The following ATP6V0D1 variants were observed in gnomAD, a reference collection of about 807,000 sequenced individuals.
The protein encoded by ATP6V0D1 is V-type proton ATPase subunit d 1.
ATP6V0D1 carries 13 observed loss-of-function variants against 39.0 expected under a neutral mutation model. That is an observed-to-expected ratio of 0.33 (90% CI 0.22 to 0.53). The LOEUF is 0.53. Among genes scored for constraint, ATP6V0D1 ranks in the 20% least tolerant of loss-of-function variants. The pLI is 0.94. For missense variants in ATP6V0D1, 272 were observed against 470.9 expected (o/e 0.58, Z 3.91); for synonymous variants, 191 against 191.2 (o/e 1.00, Z 0.01).
At chr16:67,468,846 C>T (rs1483660055) in intron 1 of ATP6V0D1, among the ~76,000 whole-genome samples, 4 of 152,112 alleles carry the variant, frequency 2.6e-5, no homozygotes, top group African/African-American at 7.2e-5. Context: ...ACTGGCTCCA[C>T]CTCGGAAACC....
intron 1 of ATP6V0D1, among the ~76,000 whole-genome samples, chr16:67,468,305 G>C (rs1235429167): frequency 6.6e-6 from 1 of 151,776 alleles, no homozygotes; most frequent in Non-Finnish European, 1.5e-5. Context: ...AAAGGAAAAG[G>C]AGCTAAGCGT....
In ATP6V0D1 at chr16:67,438,318, TGG is replaced by T; in HGVS notation, c.*208_*209del. 6 of 576,096 alleles carry T rather than the reference TGG, an allele frequency of 1.0e-5. No homozygotes were observed. Among genetic ancestry groups the T allele is most frequent in the Non-Finnish European group, 1.8e-5 (6 of 335,412 alleles). 35.7% of individuals were successfully genotyped at this position (576,096 alleles called of 1,614,324 possible). ...GGAGGGGGTCTTCGTCCATCCTTGGTGGGGGGGGGTGCCCAGCCCCTTTTCAG... is the reference window on the plus strand; with the variant it reads ...GGAGGGGGTCTTCGTCCATCCTTGGTGGGGGGGTGCCCAGCCCCTTTTCAG... On this transcript the variant is annotated 3_prime_UTR_variant, in exon 8 of 8. Coordinates refer to ENST00000290949, the MANE Select transcript of ATP6V0D1 (RefSeq NM_004691.5).
At position 67,478,896 on chromosome 16, in the gene ATP6V0D1, A is replaced by C. The variant is rs115801748; in HGVS notation, c.130+2061T>G. ...GCAGCAGGAGTGAGGAAAGTCAAGAAGGGAAACAACCAACCGAATGTCTAT... is the reference window on the plus strand; with the variant it reads ...GCAGCAGGAGTGAGGAAAGTCAAGACGGGAAACAACCAACCGAATGTCTAT... On this transcript the variant is annotated intron_variant, in intron 1 of 7. Transcript: ENST00000290949. 1.3e-3 allele frequency among the ~76,000 whole-genome samples: 196 copies of C among 152,266 alleles called. 1 individual carries two copies. The highest frequency in any genetic ancestry group is 4.6e-3 in the African/African-American group (193 of 41,526).
chr16:67,461,264 T>A (rs2041287463), intron 1 of ATP6V0D1, among the ~76,000 whole-genome samples: 1 of 152,206 alleles, frequency 6.6e-6, no homozygotes, highest in Non-Finnish European at 1.5e-5. Flanking sequence ...GCAGGGGACC[T>A]TGTGCAGCAT....
In ATP6V0D1 at chr16:67,453,644, A is replaced by C. The variant is rs1470614188; in HGVS notation, c.202T>G (p.Ser68Ala). The C allele has an allele frequency of 1.9e-6, 3 of 1,614,070 alleles. No individual in the cohort carries two copies. The highest frequency in any genetic ancestry group is 1.3e-5 in the African/African-American group (1 of 74,920). The change falls in exon 2 of 8, where the codon TCA becomes GCA. Residue 68 changes from serine to alanine, a missense_variant. By Grantham distance (99) the Ser-to-Ala change is moderately conservative (BLOSUM62 1). Coordinates refer to ENST00000290949, the MANE Select transcript of ATP6V0D1 (RefSeq NM_004691.5). The surrounding 1 kb of genome is among the most constrained non-coding windows in gnomAD (Gnocchi z 4.1). ...TCCTTGAGCCGGTCATCGATGACTG[A>C]CACCGTCAGAGGTGATGCCTCGTTG... ...LANEASPLTV[S>A]VIDDRLKEKM...
rs948471193 is a variant in ATP6V0D1 at position 67,444,439 on chromosome 16, G to C, written c.481+89C>G. 6 of 1,419,574 alleles carry C rather than the reference G, an allele frequency of 4.2e-6. No homozygotes were observed. The African/African-American group carries it at 8.6e-5, about 20-fold the overall frequency. 87.9% of individuals were successfully genotyped at this position (1,419,574 alleles called of 1,614,324 possible). ...GGGCAGGTCTCACTTTCTGGCTCAG[G>C]GTCGCCCCCCAGCGGGTCCACAAAC... On this transcript the variant is annotated intron_variant, in intron 3 of 7. Transcript: ENST00000290949. This position sits in a 1 kb window ranked among gnomAD's most constrained non-coding sequence, Gnocchi z 4.8.
At chr16:67,462,586 A>T (rs2041297140) in intron 1 of ATP6V0D1, among the ~76,000 whole-genome samples, 1 of 152,200 alleles carries the variant, frequency 6.6e-6, no homozygotes, top group East Asian at 1.9e-4. Context: ...GCGTTTTGGG[A>T]GACCAAGGTG....
At chr16:67,470,608 G>A (rs891562676) in intron 1 of ATP6V0D1, among the ~76,000 whole-genome samples, 12 of 152,334 alleles carry the variant, frequency 7.9e-5, no homozygotes, top group African/African-American at 2.2e-4. Context: ...GGCCTGGCGC[G>A]GGCCTAACTG....
intron 1 of ATP6V0D1, among the ~76,000 whole-genome samples, chr16:67,466,206 C>T (rs563177985): frequency 6.6e-6 from 1 of 152,120 alleles, no homozygotes; most frequent in East Asian, 1.9e-4. Flanking sequence ...TTGGGCCAGG[C>T]GCGGTGGCTC....
intron 1 of ATP6V0D1, among the ~76,000 whole-genome samples, chr16:67,471,291 A>G (rs2041370707): frequency 6.6e-6 from 1 of 152,088 alleles, no homozygotes; most frequent in Admixed American, 6.5e-5. Flanking sequence ...GGGTTCAAGC[A>G]ATTCTCCTGC....
rs894330918 is a variant in ATP6V0D1 at position 67,447,409 on chromosome 16, C to T, written c.303-2703G>A. On this transcript the variant is annotated intron_variant, in intron 2 of 7. Transcript: ENST00000290949. The surrounding 1 kb of genome is among the most constrained non-coding windows in gnomAD (Gnocchi z 4.1). ...GCCTTTCTCCCAAGGCCGAGGCCTTCGGCAGGCAGGGAAATCCTCCTCTTC... is the reference window on the plus strand; with the variant it reads ...GCCTTTCTCCCAAGGCCGAGGCCTTTGGCAGGCAGGGAAATCCTCCTCTTC... Among the ~76,000 whole-genome samples the T allele has an allele frequency of 1.2e-4, 18 of 152,236 alleles. No homozygotes were observed. Among genetic ancestry groups the T allele is most frequent in the Non-Finnish European group, 1.5e-4 (10 of 68,026 alleles).
In ATP6V0D1 at chr16:67,447,405, C is replaced by T. The variant is rs1183532293; in HGVS notation, c.303-2699G>A. Among the ~76,000 whole-genome samples the T allele has an allele frequency of 6.6e-6, 1 of 152,240 alleles. No individual in the cohort carries two copies. The highest frequency in any genetic ancestry group is 1.5e-5 in the Non-Finnish European group (1 of 68,026). On this transcript the variant is annotated intron_variant, in intron 2 of 7. Transcript: ENST00000290949. The surrounding 1 kb of genome is among the most constrained non-coding windows in gnomAD (Gnocchi z 4.1). ...GTCTGCCTTTCTCCCAAGGCCGAGG[C>T]CTTCGGCAGGCAGGGAAATCCTCCT...
At chr16:67,476,508 A>G (rs2041415785) in intron 1 of ATP6V0D1, among the ~76,000 whole-genome samples, 1 of 152,210 alleles carries the variant, frequency 6.6e-6, no homozygotes, top group African/African-American at 2.4e-5. Flanking sequence ...TATTGGAAAG[A>G]AATAAGCATT....
intron 2 of ATP6V0D1, among the ~76,000 whole-genome samples, chr16:67,448,042 T>C (rs1182753708): frequency 1.3e-5 from 2 of 152,138 alleles, no homozygotes; most frequent in African/African-American, 2.4e-5. Context: ...CGAGACTTAG[T>C]TTCTCCTCCA....
chr16:67,457,616 A>G (rs763437344), intron 1 of ATP6V0D1: 14 of 1,289,544 alleles, frequency 1.1e-5, no homozygotes, highest in Non-Finnish European at 1.4e-5. Context: ...ACTCAGGGAC[A>G]AGTCCCTCTG....
In ATP6V0D1 at chr16:67,438,701, G is replaced by C. The variant is rs777359469; in HGVS notation, c.895-12C>G. The C allele has an allele frequency of 1.2e-6, 2 of 1,614,180 alleles. No individual in the cohort carries two copies. The highest frequency in any genetic ancestry group is 1.7e-6 in the Non-Finnish European group (2 of 1,180,024). ...TTGTTCAGCTTTACCTGTGGACACGGGCAGATGTGGTGTCCAGGTGGCCAT... is the reference window on the plus strand; with the variant it reads ...TTGTTCAGCTTTACCTGTGGACACGCGCAGATGTGGTGTCCAGGTGGCCAT... On this transcript the variant is annotated splice_polypyrimidine_tract_variant and intron_variant, in intron 7 of 7. Coordinates refer to ENST00000290949, the MANE Select transcript of ATP6V0D1 (RefSeq NM_004691.5).
At chr16:67,459,217 T>G (rs1308836857) in intron 1 of ATP6V0D1, 1 of 985,326 alleles carries the variant, frequency 1.0e-6, no homozygotes, top group African/African-American at 1.7e-5. Flanking sequence ...GCCCTTGAAG[T>G]GCAGGAAATA....
rs1346979968 is a variant in ATP6V0D1 at position 67,453,730 on chromosome 16, T to G, written c.131-15A>C. 2.5e-6 allele frequency: 4 copies of G among 1,612,782 alleles called. No individual in the cohort carries two copies. The highest frequency in any genetic ancestry group is 1.3e-5 in the African/African-American group (1 of 74,830). On this transcript the variant is annotated splice_polypyrimidine_tract_variant and intron_variant, in intron 1 of 7. Coordinates refer to ENST00000290949, the MANE Select transcript of ATP6V0D1 (RefSeq NM_004691.5). This position sits in a 1 kb window ranked among gnomAD's most constrained non-coding sequence, Gnocchi z 4.1. Reference sequence around the variant, plus strand: ...CAGTTTCAAGTCTGAAACCCAAGGGTAGGGGGTAAGGGCTAGCCTTGCTGG... The same window carrying G: ...CAGTTTCAAGTCTGAAACCCAAGGGGAGGGGGTAAGGGCTAGCCTTGCTGG...
chr16:67,444,716 G>T lies in ATP6V0D1; in HGVS notation c.303-10C>A. ...GATCATGTAACTGTAACTACAGGGG[G>T]CAGGCAATAGCAAGGAGCCCATCAA... On this transcript the variant is annotated splice_polypyrimidine_tract_variant and intron_variant, in intron 2 of 7. Coordinates refer to ENST00000290949, the MANE Select transcript of ATP6V0D1 (RefSeq NM_004691.5). This position sits in a 1 kb window ranked among gnomAD's most constrained non-coding sequence, Gnocchi z 4.8. 6.3e-7 allele frequency: 1 copy of T among 1,579,070 alleles called. No homozygotes were observed. The highest frequency in any genetic ancestry group is 8.6e-7 in the Non-Finnish European group (1 of 1,158,260).
Sources: gnomAD v4.1 joint callset for allele counts (sites outside exome capture counted in the v4.1 genomes callset) on GRCh38, gnomAD v4.1.1 for gene constraint, Gnocchi (gnomAD v3.1) non-coding constraint, MANE v1.5 for transcripts, NCBI Gene and HGNC (gene_info 2026-07-23, HGNC 2026-07-21) for gene names.